Variants in ZFYVE26 observed in about 807,000 individuals in gnomAD.
ZFYVE26 encodes the protein zinc finger FYVE domain-containing protein 26.
Under a neutral mutation model 276.5 loss-of-function variants are expected in ZFYVE26, and 181 were observed. The observed-to-expected ratio is 0.65, with a 90% CI of 0.58 to 0.74. ZFYVE26 has a LOEUF of 0.74. Ranked by LOEUF, ZFYVE26 falls within the 30% of genes least tolerant of loss-of-function variation. ZFYVE26 has a pLI of 0.00. For missense variants in ZFYVE26, 2,821 were observed against 3,097.9 expected (o/e 0.91, Z 2.12); for synonymous variants, 1,129 against 1,203.1 (o/e 0.94, Z 1.27).
At position 67,782,913 on chromosome 14, in the gene ZFYVE26, C is replaced by T. The variant is rs538068224; in HGVS notation, c.4239G>A (p.Leu1413=). Residue 1413 remains leucine, a synonymous_variant, in exon 21 of 42, where the codon CTG becomes CTA. Transcript: ENST00000347230. ...CCAAGGATTCCTCAAAAGCCTCACT[C>T]AGTACATCTAGGGCAATGGGAGAAT... The part of the protein sequence containing the change: ...GLHSPIALDV[L]SEAFEESLVA... 5 of 1,614,228 alleles carry T rather than the reference C, an allele frequency of 3.1e-6. No homozygotes were observed. The East Asian group carries it at 1.1e-4, about 36-fold the overall frequency.
intron 32 of ZFYVE26, among the ~76,000 whole-genome samples, chr14:67,765,306 C>T (rs1284498067): frequency 6.6e-6 from 1 of 152,150 alleles, no homozygotes; most frequent in African/African-American, 2.4e-5. Flanking sequence ...ATATACCAGG[C>T]TTAGTTCTTC....
intron 12 of ZFYVE26, chr14:67,796,785 C>A (rs1173872481): frequency 1.3e-5 from 2 of 151,974 alleles, no homozygotes; most frequent in Non-Finnish European, 2.9e-5. Context: ...AACCCCGTCT[C>A]TACTAAAAAT....
At chr14:67,732,035 G>A (rs1192467649) in intron 13 of ZFYVE26, among the ~76,000 whole-genome samples, 1 of 151,092 alleles carries the variant, frequency 6.6e-6, no homozygotes, top group African/African-American at 2.4e-5. Flanking sequence ...GCTGAGGCAG[G>A]AGAATCACTT....
intron 11 of ZFYVE26, 53 bp from the exon 12 acceptor site, chr14:67,797,808 G>A: frequency 9.3e-6 from 15 of 1,606,352 alleles, no homozygotes; most frequent in South Asian, 3.3e-5. Flanking sequence ...CTTTGATTTG[G>A]CCCTTTCTTG....
chr14:67,786,353 T>A, intron 16 of ZFYVE26, 120 bp from the exon 17 acceptor site: 1 of 1,279,346 alleles, frequency 7.8e-7, no homozygotes, highest in Non-Finnish European at 1.1e-6. Context: ...AAGGAGGAAA[T>A]ACATGCTGTG....
chr14:67,806,537 T>C lies in ZFYVE26; in HGVS notation c.1017+8A>G. 6.2e-7 allele frequency: 1 copy of C among 1,614,092 alleles called. No individual in the cohort carries two copies. Among genetic ancestry groups the C allele is most frequent in the South Asian group, 1.1e-5 (1 of 91,080 alleles). ...TACCTCTGTGATGAACAATTAAGCT[T>C]GACTTACCAGAATCTGCTCGAGGAA... On this transcript the variant is annotated splice_region_variant and intron_variant, in intron 6 of 41. Coordinates refer to ENST00000347230, the MANE Select transcript of ZFYVE26 (RefSeq NM_015346.4).
intron 16 of ZFYVE26, 32 bp from the exon 17 acceptor site, chr14:67,786,265 A>AAAAAAG: frequency 6.3e-7 from 1 of 1,589,940 alleles, no homozygotes; most frequent in Non-Finnish European, 8.5e-7. Flanking sequence ...GGGAATGCAA[A>AAAAAAG]AAAAAAAAAT....
chr14:67,783,950 T>C (rs566429854), intron 20 of ZFYVE26, among the ~76,000 whole-genome samples: 1 of 152,362 alleles, frequency 6.6e-6, no homozygotes, highest in South Asian at 2.1e-4. Flanking sequence ...AAAGGGCATA[T>C]GAATTTGCAA....
intron 12 of ZFYVE26, among the ~76,000 whole-genome samples, chr14:67,795,937 TA>T (rs1015211011): frequency 6.6e-6 from 1 of 151,776 alleles, no homozygotes; most frequent in Admixed American, 6.6e-5. Flanking sequence ...AATCTCAAAC[TA>T]AAAAAAATAC....
At chr14:67,765,691 AC>A (rs1471712575) in intron 32 of ZFYVE26, among the ~76,000 whole-genome samples, 3 of 152,186 alleles carry the variant, frequency 2.0e-5, no homozygotes, top group Non-Finnish European at 4.4e-5. Flanking sequence ...GTCTAATCAT[AC>A]CTTTTCCATA....
chr14:67,785,937 G>A lies in ZFYVE26; in HGVS notation c.3225C>T (p.Asp1075=), dbSNP rs765235563. The change falls in exon 18 of 42, where the codon GAC becomes GAT. Residue 1075 remains aspartate (D), a synonymous_variant. Transcript: ENST00000347230. ...AGAGGGTGGTGTGGCTGGCAACACAGTCCTCGCTTAGGCTGGGCCAGCACA... is the reference window on the plus strand; with the variant it reads ...AGAGGGTGGTGTGGCTGGCAACACAATCCTCGCTTAGGCTGGGCCAGCACA... The part of the protein sequence containing the change: ...LQMCWPSLSE[D]CVASHTTLSQ... 1.9e-6 allele frequency: 3 copies of A among 1,614,216 alleles called. No individual in the cohort carries two copies. The highest frequency in any genetic ancestry group is 2.5e-6 in the Non-Finnish European group (3 of 1,180,038).
Position 67,755,994 on chromosome 14 carries a change from T to G in ZFYVE26, c.6740A>C (p.Lys2247Thr). 1 of 1,614,242 alleles carries G rather than the reference T, an allele frequency of 6.2e-7. No individual in the cohort carries two copies. Among genetic ancestry groups the G allele is most frequent in the Non-Finnish European group, 8.5e-7 (1 of 1,180,050 alleles). The change falls in exon 36 of 42, where the codon AAG becomes ACG. Residue 2247 changes from lysine to threonine, a missense_variant. Physicochemically the swap from Lys to Thr is moderately conservative, Grantham distance 78. Coordinates refer to ENST00000347230, the MANE Select transcript of ZFYVE26 (RefSeq NM_015346.4). ...YLIAACQHLQ[K>T]KNYYHILYEL... ...ATACAGAATGTGGTAGTAGTTCTTC[T>G]TCTGTAAATGTTGGCAGGCAGCAAT...
At chr14:67,797,213 C>T (rs57815661) in intron 12 of ZFYVE26, 3,391 of 206,664 alleles carry the variant, frequency 0.016, 136 homozygotes, top group African/African-American at 0.074. Flanking sequence ...AGGAGCTTAT[C>T]CTGTATTTAC....
At chr14:67,782,739 A>G in intron 21 of ZFYVE26, 41 bp downstream of exon 21, 1 of 1,612,774 alleles carries the variant, frequency 6.2e-7, no homozygotes, top group Non-Finnish European at 8.5e-7. Context: ...AATACCAAAT[A>G]TTACCACTAG....
At chr14:67,779,984 A>G (rs1040737112) in intron 23 of ZFYVE26, among the ~76,000 whole-genome samples, 9 of 151,734 alleles carry the variant, frequency 5.9e-5, no homozygotes, top group African/African-American at 1.2e-4. Context: ...CCATTCTCCT[A>G]CCTCAGCCTC....
intron 13 of ZFYVE26, among the ~76,000 whole-genome samples, chr14:67,740,763 C>A (rs1217552903): frequency 6.6e-6 from 1 of 152,050 alleles, no homozygotes; most frequent in Non-Finnish European, 1.5e-5. Context: ...AAAAAATTAG[C>A]CGGGCGCAGT....
At chr14:67,805,735 A>C in intron 6 of ZFYVE26, 117 bp from the exon 7 acceptor site, 1 of 1,275,136 alleles carries the variant, frequency 7.8e-7, no homozygotes, top group Non-Finnish European at 1.1e-6. Context: ...TCTGACAATA[A>C]CAGGAGTGGT....
At chr14:67,770,714 C>A (rs1055569467) in intron 28 of ZFYVE26, among the ~76,000 whole-genome samples, 2 of 152,128 alleles carry the variant, frequency 1.3e-5, no homozygotes, top group African/African-American at 4.8e-5. Context: ...GGAACATATA[C>A]AGTAGGCAGT....
intron 13 of ZFYVE26, chr14:67,734,053 T>C (rs2038321583): frequency 6.5e-6 from 3 of 462,394 alleles, no homozygotes; most frequent in Non-Finnish European, 1.2e-5. Context: ...TGGACACCTA[T>C]AGAGTGTTCT....
Sources: allele counts gnomAD v4.1 joint callset (sites outside exome capture counted in the v4.1 genomes callset), GRCh38; gene constraint gnomAD v4.1.1; transcripts MANE v1.5; gene names NCBI Gene and HGNC (gene_info 2026-07-23, HGNC 2026-07-21).